Variants in DDX25 observed in about 807,000 individuals in gnomAD.
DDX25 encodes ATP-dependent RNA helicase DDX25.
In DDX25, 70 loss-of-function variants were observed where a neutral mutation model predicts 64.6. That is an observed-to-expected ratio of 1.08 (90% CI 0.89 to 1.32). The LOEUF (loss-of-function observed/expected upper bound fraction) is 1.32, where lower values mean the gene tolerates loss of function less well. Ranked by LOEUF, DDX25 falls within the 40% of genes most tolerant of loss-of-function variation. DDX25 has a pLI of 0.00. For missense variants in DDX25, 587 were observed against 604.4 expected (o/e 0.97, Z 0.30); for synonymous variants, 211 against 213.3 (o/e 0.99, Z 0.09).
intron 4 of DDX25, among the ~76,000 whole-genome samples, chr11:125,907,383 C>CAAGT (rs1944903079): frequency 6.6e-6 from 1 of 151,984 alleles, no homozygotes; most frequent in Non-Finnish European, 1.5e-5. Context: ...CCAAGGGGGG[C>CAAGT]GGATCACGAG....
At chr11:125,910,318 G>GC in intron 6 of DDX25, 46 bp from the exon 7 acceptor site, 1 of 1,494,498 alleles carries the variant, frequency 6.7e-7, no homozygotes, top group East Asian at 2.3e-5. Context: ...TTTGAAAGAT[G>GC]CCTGTAAGAA....
intron 10 of DDX25, among the ~76,000 whole-genome samples, chr11:125,919,353 A>G (rs1945081671): frequency 6.6e-6 from 1 of 152,170 alleles, no homozygotes; most frequent in African/African-American, 2.4e-5. Flanking sequence ...GTTTAGCTTT[A>G]TAAGAAGCTG....
intron 7 of DDX25, 130 bp from the exon 8 acceptor site, chr11:125,911,181 C>T (rs770879229): frequency 3.5e-5 from 30 of 856,174 alleles, no homozygotes; most frequent in Middle Eastern, 3.2e-4. Context: ...CAATGACCCT[C>T]GGGGTTTCCA....
At chr11:125,922,487 A>C in intron 11 of DDX25, 1 of 239,436 alleles carries the variant, frequency 4.2e-6, no homozygotes, top group East Asian at 8.2e-5. Flanking sequence ...AGGGTGAGGA[A>C]GATGTGTTAA....
At chr11:125,916,977 TG>T (rs1365936036) in intron 8 of DDX25, 36 bp from the exon 9 acceptor site, 8 of 1,547,450 alleles carry the variant, frequency 5.2e-6, no homozygotes, top group Non-Finnish European at 7.0e-6. Context: ...AGTGATGGGA[TG>T]GCAGCTTGGT....
At chr11:125,908,562 T>C (rs950543331) in intron 6 of DDX25, 59 bp downstream of exon 6, 29 of 1,426,930 alleles carry the variant, frequency 2.0e-5, no homozygotes, top group Non-Finnish European at 2.8e-5. Context: ...AATTTAGTAA[T>C]AGGTGATATT....
chr11:125,917,097 C>G lies in DDX25; in HGVS notation c.884C>G (p.Pro295Arg). ...TGGCACTTTGCTGAGCGAATCATCC[C>G]TGACCCTAATGTTATCAAGTTACGC... ...SVWHFAERII[P>R]DPNVIKLRKE... Residue 295 changes from proline (P) to arginine (R), a missense_variant, in exon 9 of 12, where the codon CCT (proline) becomes CGT (arginine). Pro to Arg is a moderately radical substitution (Grantham distance 103). Transcript: ENST00000263576. 2 of 1,610,768 alleles carry G rather than the reference C, an allele frequency of 1.2e-6. No homozygotes were observed. Among genetic ancestry groups the G allele is most frequent in the Non-Finnish European group, 1.7e-6 (2 of 1,178,818 alleles).
chr11:125,911,594 C>T, intron 8 of DDX25, 106 bp downstream of exon 8: 1 of 1,151,542 alleles, frequency 8.7e-7, no homozygotes, highest in Non-Finnish European at 1.2e-6. Context: ...TCACCACCTT[C>T]ACCTCTAAAA....
At chr11:125,905,330 T>G in intron 2 of DDX25, 52 bp downstream of exon 2, 2 of 1,542,736 alleles carry the variant, frequency 1.3e-6, no homozygotes, top group Non-Finnish European at 8.8e-7. Context: ...AAAAGTATTG[T>G]TTTGCTTTCA....
At position 125,927,392 on chromosome 11, in the gene DDX25, C is replaced by G. The variant is rs562366250; in HGVS notation, c.*4511C>G. On this transcript the variant is annotated 3_prime_UTR_variant, in exon 12 of 12. Transcript: ENST00000263576. ...TAAAGATGAGCTCTGAAGAGGGGCT[C>G]TCTCTCCCTCTTGTATTCAGAAGAA... 1 of 152,292 alleles carries G rather than the reference C, an allele frequency of 6.6e-6. No individual in the cohort carries two copies. The highest frequency in any genetic ancestry group is 2.1e-4 in the South Asian group (1 of 4,818). The allele number at this position is 152,292 out of a possible 1,614,324, so 9.4% of individuals were successfully genotyped here. A position where few individuals can be genotyped will look rare whatever the true frequency, so the allele number is the denominator to read the frequency against.
intron 6 of DDX25, 61 bp downstream of exon 6, chr11:125,908,564 G>C: frequency 1.4e-6 from 2 of 1,427,128 alleles, no homozygotes; most frequent in Non-Finnish European, 2.0e-6. Flanking sequence ...TTTAGTAATA[G>C]GTGATATTCC....
chr11:125,907,336 C>A (rs138238537), intron 4 of DDX25, among the ~76,000 whole-genome samples: 1 of 152,148 alleles, frequency 6.6e-6, no homozygotes. Flanking sequence ...TGGCCGGGCG[C>A]GGTGGCTCAC....
chr11:125,911,278 C>G, intron 7 of DDX25, 33 bp from the exon 8 acceptor site: 1 of 1,576,954 alleles, frequency 6.3e-7, no homozygotes, highest in Non-Finnish European at 8.6e-7. Flanking sequence ...TTGTTTGCAT[C>G]TGAAGGAGTG....
rs758524145 is a variant in DDX25, at chr11:125,905,268, C to G, written c.120C>G (p.Val40=). Reference sequence around the variant, plus strand: ...TTTGGGGTATTAAGAGTACTGCAGTCCGAAACATAGGTGAGTGCTGTTAGG... The same window carrying G: ...TTTGGGGTATTAAGAGTACTGCAGTGCGAAACATAGGTGAGTGCTGTTAGG... The part of the protein sequence containing the change: ...KNLWGIKSTA[V]RNIDGSINNI... The change falls in exon 2 of 12, where the codon GTC becomes GTG. Residue 40 remains valine (V), a synonymous_variant. Coordinates refer to ENST00000263576, the MANE Select transcript of DDX25 (RefSeq NM_013264.5). The G allele has an allele frequency of 1.9e-6, 3 of 1,551,596 alleles. No homozygotes were observed. In the South Asian group the frequency reaches 3.6e-5, roughly 18 times the overall value.
In DDX25 at chr11:125,908,492, T is replaced by G; in HGVS notation, c.496T>G (p.Leu166Val). 2 of 1,613,424 alleles carry G rather than the reference T, an allele frequency of 1.2e-6. No homozygotes were observed. Among genetic ancestry groups the G allele is most frequent in the Admixed American group, 3.3e-5 (2 of 60,024 alleles). The change falls in exon 6 of 12, where the codon TTG becomes GTG. Residue 166 changes from leucine to valine, a missense_variant. Physicochemically the swap from Leu to Val is conservative, Grantham distance 32. Transcript: ENST00000263576. ...GTTAAGCAGAGTTAATGCCTTGGAA[T>G]TGTTCCCACAGGTAAGGGAAGGCTG... ...AMLSRVNALELFPQCLCLAPT... is the reference protein window; with the variant it reads ...AMLSRVNALEVFPQCLCLAPT...
intron 8 of DDX25, among the ~76,000 whole-genome samples, chr11:125,916,042 G>A (rs1279281063): frequency 6.6e-6 from 1 of 152,144 alleles, no homozygotes; most frequent in African/African-American, 2.4e-5. Context: ...TTGACCAGAG[G>A]TCTATCGGAT....
Position 125,921,612 on chromosome 11 carries a change from C to A in DDX25, c.1390+233C>A. On this transcript the variant is annotated intron_variant, in intron 11 of 11. Coordinates refer to ENST00000263576, the MANE Select transcript of DDX25 (RefSeq NM_013264.5). This position sits in a 1 kb window ranked among gnomAD's most constrained non-coding sequence, Gnocchi z 4.1. ...AAGCAGAATTAATATGAGCTCAGGC[C>A]GGGTGTGGCAGCTCACACCTGTAAT... 2.1e-6 allele frequency: 1 copy of A among 486,224 alleles called. No homozygotes were observed. The highest frequency in any genetic ancestry group is 3.6e-6 in the Non-Finnish European group (1 of 281,384). 30.1% of individuals were successfully genotyped at this position (486,224 alleles called of 1,614,324 possible). A position where few individuals can be genotyped will look rare whatever the true frequency, so the allele number is the denominator to read the frequency against.
rs956862381 is a variant in DDX25 at position 125,921,492 on chromosome 11, A to G, written c.1390+113A>G. Reference sequence around the variant, plus strand: ...CATGAGAGTAGTAGAAGCAGAATGCATGAGCTGGAAGGCTTCTAATTCACA... The same window carrying G: ...CATGAGAGTAGTAGAAGCAGAATGCGTGAGCTGGAAGGCTTCTAATTCACA... On this transcript the variant is annotated intron_variant, in intron 11 of 11. Coordinates refer to ENST00000263576, the MANE Select transcript of DDX25 (RefSeq NM_013264.5). This position sits in a 1 kb window ranked among gnomAD's most constrained non-coding sequence, Gnocchi z 4.1. 107 of 1,240,244 alleles carry G rather than the reference A, an allele frequency of 8.6e-5. No individual in the cohort carries two copies. The highest frequency in any genetic ancestry group is 1.2e-4 in the Non-Finnish European group (107 of 912,984). 76.8% of individuals were successfully genotyped at this position (1,240,244 alleles called of 1,614,324 possible).
chr11:125,919,799 A>G (rs1945088814), intron 10 of DDX25, among the ~76,000 whole-genome samples: 1 of 152,192 alleles, frequency 6.6e-6, no homozygotes, highest in African/African-American at 2.4e-5. Context: ...CACTGGCACT[A>G]TTCAACAGAG....
Sources: allele counts gnomAD v4.1 joint callset (sites outside exome capture counted in the v4.1 genomes callset), GRCh38; gene constraint gnomAD v4.1.1; non-coding constraint Gnocchi (gnomAD v3.1); transcripts MANE v1.5; gene names NCBI Gene and HGNC (gene_info 2026-07-23, HGNC 2026-07-21).